Variants in KLC1 observed in about 807,000 individuals in gnomAD.
The protein encoded by KLC1 is kinesin light chain 1.
In KLC1, 30 loss-of-function variants were observed where a neutral mutation model predicts 84.2. The ratio of observed to expected loss-of-function variants is 0.36; its 90% CI spans 0.27 to 0.48. KLC1 has a LOEUF of 0.48. Ranked by LOEUF, KLC1 falls within the 20% of genes least tolerant of loss-of-function variation. The probability of loss-of-function intolerance (pLI) is 0.99; values close to 1 mark genes in which losing one functional copy is unlikely to be tolerated. For synonymous variants in KLC1, 289 were observed against 293.3 expected, an observed-to-expected ratio of 0.99 and a Z score of 0.15; for missense variants, 499 against 805.4, an observed-to-expected ratio of 0.62 and a Z score of 4.60.
In KLC1 at chr14:103,701,181, C is replaced by G. The variant is rs1294684876; in HGVS notation, c.*2-20C>G. ...TCAGGTTTTGGCGGCCCAGCCCTGA[C>G]CTTCTATCTTCTCTTGCAGTGACCC... On this transcript the variant is annotated intron_variant, in intron 16 of 16. Transcript: ENST00000334553. The G allele has an allele frequency of 1.3e-6, 2 of 1,550,616 alleles. No homozygotes were observed. Among genetic ancestry groups the G allele is most frequent in the East Asian group, 4.9e-5 (2 of 40,888 alleles).
chr14:103,649,211 T>C (rs1241902660), intron 1 of KLC1, among the ~76,000 whole-genome samples: 2 of 151,458 alleles, frequency 1.3e-5, no homozygotes, highest in Non-Finnish European at 2.9e-5. Context: ...GGTGGGGAAT[T>C]GCTTGAGTCT....
At chr14:103,683,126 A>G (rs1314006046) in intron 13 of KLC1, 1 of 152,172 alleles carries the variant, frequency 6.6e-6, no homozygotes, top group Admixed American at 6.5e-5. Context: ...AGAAAGGACA[A>G]ACTGGTTAAT....
rs375692703 is a variant in KLC1 at position 103,694,881 on chromosome 14, T to C, written c.1848+2456T>C. The C allele has an allele frequency of 3.6e-5, 35 of 985,510 alleles. No homozygotes were observed. In the African/African-American group the frequency reaches 5.9e-4, roughly 17 times the overall value. The allele number at this position is 985,510 out of a possible 1,614,324, so 61.0% of individuals were successfully genotyped here. A position where few individuals can be genotyped will look rare whatever the true frequency, so the allele number is the denominator to read the frequency against. Reference sequence around the variant, plus strand: ...CCTTTCAAAGTTTCATCCCGCCTCATGTCGCAGGACTGCTGTGTTTGTGAA... The same window carrying C: ...CCTTTCAAAGTTTCATCCCGCCTCACGTCGCAGGACTGCTGTGTTTGTGAA... On this transcript the variant is annotated intron_variant, in intron 15 of 16. Coordinates refer to ENST00000334553, the MANE Select transcript of KLC1 (RefSeq NM_001394837.1). The surrounding 1 kb of genome is among the most constrained non-coding windows in gnomAD (Gnocchi z 4.5).
chr14:103,666,762 C>CCTCATTTAATTCT, intron 5 of KLC1, among the ~76,000 whole-genome samples: 1 of 142,058 alleles, frequency 7.0e-6, no homozygotes, highest in Non-Finnish European at 1.5e-5. Flanking sequence ...CCGTGCCTGG[C>CCTCATTTAATTCT]CATTTTTTTT....
At chr14:103,644,766 C>G (rs2077771617) in intron 1 of KLC1, among the ~76,000 whole-genome samples, 2 of 152,288 alleles carry the variant, frequency 1.3e-5, no homozygotes, top group South Asian at 4.1e-4. Flanking sequence ...AAAGAATATT[C>G]TCTTGTCACC....
chr14:103,645,895 C>A (rs955463867), intron 1 of KLC1, among the ~76,000 whole-genome samples: 2 of 151,784 alleles, frequency 1.3e-5, no homozygotes, highest in African/African-American at 4.8e-5. Context: ...GTAGCTGGGA[C>A]TACAGGCACC....
intron 16 of KLC1, 37 bp downstream of exon 16, chr14:103,700,764 G>T (rs755300970): frequency 1.3e-6 from 2 of 1,509,086 alleles, no homozygotes; most frequent in South Asian, 1.2e-5. Context: ...GAAGCAGGCA[G>T]CTGGGCCAGG....
intron 7 of KLC1, among the ~76,000 whole-genome samples, chr14:103,672,598 G>A (rs1274747602): frequency 6.6e-6 from 1 of 152,138 alleles, no homozygotes; most frequent in Non-Finnish European, 1.5e-5. Flanking sequence ...AGTAGGGAGG[G>A]CTAGGAGAAG....
intron 4 of KLC1, among the ~76,000 whole-genome samples, chr14:103,662,474 C>T (rs901266929): frequency 6.6e-6 from 1 of 152,064 alleles, no homozygotes; most frequent in Non-Finnish European, 1.5e-5. Flanking sequence ...CTGCTTGTTT[C>T]ATGGCGCCAA....
intron 1 of KLC1, among the ~76,000 whole-genome samples, chr14:103,636,066 A>C (rs569700929): frequency 1.4e-4 from 22 of 152,244 alleles, no homozygotes; most frequent in African/African-American, 4.6e-4. Context: ...AGTAGTGTTA[A>C]GGATATGCAC....
chr14:103,645,614 C>T (rs2077857102), intron 1 of KLC1, among the ~76,000 whole-genome samples: 1 of 152,100 alleles, frequency 6.6e-6, no homozygotes, highest in African/African-American at 2.4e-5. Context: ...CTACTGCACA[C>T]CTAGGCTGTA....
At chr14:103,689,206 G>A (rs1172953141) in intron 14 of KLC1, among the ~76,000 whole-genome samples, 2 of 152,168 alleles carry the variant, frequency 1.3e-5, no homozygotes, top group Non-Finnish European at 2.9e-5. Flanking sequence ...AGGTTCTTAA[G>A]TTTTGAAGCC....
Position 103,693,986 on chromosome 14 carries a change from A to G in KLC1, c.1848+1561A>G. 9.1e-7 allele frequency: 1 copy of G among 1,094,034 alleles called. No individual in the cohort carries two copies. The highest frequency in any genetic ancestry group is 1.1e-6 in the Non-Finnish European group (1 of 897,944). The allele number at this position is 1,094,034 out of a possible 1,614,324, so 67.8% of individuals were successfully genotyped here. On this transcript the variant is annotated intron_variant, in intron 15 of 16. Transcript: ENST00000334553. The surrounding 1 kb of genome is among the most constrained non-coding windows in gnomAD (Gnocchi z 5.1). ...ACACCAGACTCTCTTTTAAATTGTA[A>G]TATTGTAATAAGGCTGTAAATTAAG... is the stretch of plus-strand genomic sequence containing the variant.
chr14:103,699,007 C>T lies in KLC1; in HGVS notation c.1849-1648C>T, dbSNP rs548084133. ...ATGCCAAGGGCTGGGGAAACACGTT[C>T]GTCCCAGAACCTGAGAAACAGGAAG... On this transcript the variant is annotated intron_variant, in intron 15 of 16. Coordinates refer to ENST00000334553, the MANE Select transcript of KLC1 (RefSeq NM_001394837.1). 5.5e-5 allele frequency: 88 copies of T among 1,588,216 alleles called. 1 individual carries two copies. In the South Asian group the frequency reaches 7.4e-4, roughly 13 times the overall value.
rs753206490 is a variant in KLC1, at chr14:103,694,781, A to G, written c.1848+2356A>G. On this transcript the variant is annotated intron_variant, in intron 15 of 16. Transcript: ENST00000334553. The surrounding 1 kb of genome is among the most constrained non-coding windows in gnomAD (Gnocchi z 4.5). Reference sequence around the variant, plus strand: ...CTCACACTTGTCACCTTCAGCCTCTAGAAGCTCCCCGTGGGGCACGAAGGC... The same window carrying G: ...CTCACACTTGTCACCTTCAGCCTCTGGAAGCTCCCCGTGGGGCACGAAGGC... 1.0e-6 allele frequency: 1 copy of G among 985,512 alleles called. No homozygotes were observed. Among genetic ancestry groups the G allele is most frequent in the Non-Finnish European group, 1.2e-6 (1 of 829,948 alleles). The allele number at this position is 985,512 out of a possible 1,614,324, so 61.0% of individuals were successfully genotyped here. A position where few individuals can be genotyped will look rare whatever the true frequency, so the allele number is the denominator to read the frequency against.
chr14:103,666,886 C>T (rs544145627), intron 5 of KLC1, among the ~76,000 whole-genome samples: 81 of 150,284 alleles, frequency 5.4e-4, no homozygotes, highest in African/African-American at 1.9e-3. Context: ...AAGCGATTCT[C>T]CTGCCTCAGC....
chr14:103,671,722 C>T (rs1488111235), intron 7 of KLC1, among the ~76,000 whole-genome samples: 5 of 152,062 alleles, frequency 3.3e-5, no homozygotes, highest in Non-Finnish European at 7.4e-5. Context: ...ATCAGTGATT[C>T]TTATCAGTTA....
intron 15 of KLC1, chr14:103,695,015 T>C (rs1389208466): frequency 2.0e-6 from 2 of 985,328 alleles, no homozygotes; most frequent in African/African-American, 3.5e-5. Context: ...CCTGTGGCCG[T>C]GGCTCCTTTT....
intron 1 of KLC1, among the ~76,000 whole-genome samples, chr14:103,647,036 G>A (rs1454653040): frequency 6.6e-6 from 1 of 152,112 alleles, no homozygotes; most frequent in Non-Finnish European, 1.5e-5. Context: ...AACTTTCGTT[G>A]TAGTCTGTAT....
Sources: allele counts gnomAD v4.1 joint callset (sites outside exome capture counted in the v4.1 genomes callset), GRCh38; gene constraint gnomAD v4.1.1; non-coding constraint Gnocchi (gnomAD v3.1); transcripts MANE v1.5; gene names NCBI Gene and HGNC (gene_info 2026-07-23, HGNC 2026-07-21).